Variants in DNAJC7 observed in about 807,000 individuals in gnomAD.
DNAJC7 encodes DnaJ heat shock protein family (Hsp40) member C7.
DNAJC7 carries 18 observed loss-of-function variants against 67.4 expected under a neutral mutation model. The observed-to-expected ratio is 0.27, with a 90% CI of 0.18 to 0.40. The LOEUF (loss-of-function observed/expected upper bound fraction) is 0.40, where lower values mean the gene tolerates loss of function less well. Among genes scored for constraint, DNAJC7 ranks in the 10% least tolerant of loss-of-function variants. DNAJC7 has a pLI of 1.00. For missense variants in DNAJC7, 419 were observed against 613.8 expected (o/e 0.68, Z 3.35); for synonymous variants, 220 against 207.8 (o/e 1.06, Z -0.50).
chr17:41,986,053 A>AAAAAAAAAAAAAAAG (rs2051368082), intron 9 of DNAJC7: 1 of 122,332 alleles, frequency 8.2e-6, no homozygotes, highest in Non-Finnish European at 1.6e-5. Flanking sequence ...TGCTTAAAAA[A>AAAAAAAAAAAAAAAG]AAAAAAAAAA....
At chr17:41,982,467 C>T in intron 10 of DNAJC7, 66 bp from the exon 11 acceptor site, 6 of 1,580,468 alleles carry the variant, frequency 3.8e-6, no homozygotes, top group Non-Finnish European at 5.2e-6. Context: ...CAGGTCTCAG[C>T]CCAGCTGCCT....
At chr17:41,996,997 C>A in intron 3 of DNAJC7, 118 bp downstream of exon 3, 1 of 1,502,516 alleles carries the variant, frequency 6.7e-7, no homozygotes, top group Non-Finnish European at 9.0e-7. Flanking sequence ...TAAAGTCCCC[C>A]ACAACAAAGA....
In DNAJC7 at chr17:41,994,943, A is replaced by T; in HGVS notation, c.407T>A (p.Phe136Tyr). 1 of 1,613,100 alleles carries T rather than the reference A, an allele frequency of 6.2e-7. No individual in the cohort carries two copies. The highest frequency in any genetic ancestry group is 8.5e-7 in the Non-Finnish European group (1 of 1,179,564). ...DHKNAQAQQEFKNANAVMEYE... is the reference protein window; with the variant it reads ...DHKNAQAQQEYKNANAVMEYE... ...TTCCATGACTGCATTAGCATTCTTG[A>T]ACTGCACCGGAAAATCAGACATAGG... The change falls in exon 5 of 14, where the codon TTC becomes TAC. Residue 136 changes from phenylalanine to tyrosine, a missense_variant and splice_region_variant. Transcript: ENST00000457167.
At chr17:42,004,167 C>A (rs1362777554) in intron 1 of DNAJC7, among the ~76,000 whole-genome samples, 1 of 152,000 alleles carries the variant, frequency 6.6e-6, no homozygotes, top group Non-Finnish European at 1.5e-5. Context: ...GTTGGCCAGA[C>A]TGGTCTCAAA....
At chr17:41,989,865 T>C (rs1306556136) in intron 6 of DNAJC7, among the ~76,000 whole-genome samples, 4 of 152,240 alleles carry the variant, frequency 2.6e-5, no homozygotes, top group African/African-American at 9.6e-5. Flanking sequence ...GCCACACCCA[T>C]TGGTTCATCT....
At position 41,976,650 on chromosome 17, in the gene DNAJC7, G is replaced by A. The variant is rs2051088459; in HGVS notation, c.*83C>T. On this transcript the variant is annotated 3_prime_UTR_variant, in exon 14 of 14. Coordinates refer to ENST00000457167, the MANE Select transcript of DNAJC7 (RefSeq NM_003315.4). ...TGCTCTAAGCACACGGAGACGTGATGAAGGGAGGAGGTGAACTGTTTCCAC... is the reference window on the plus strand; with the variant it reads ...TGCTCTAAGCACACGGAGACGTGATAAAGGGAGGAGGTGAACTGTTTCCAC... The A allele has an allele frequency of 1.3e-6, 2 of 1,551,736 alleles. No individual in the cohort carries two copies. The highest frequency in any genetic ancestry group is 1.9e-5 in the Admixed American group (1 of 52,452).
Position 41,988,626 on chromosome 17 carries a change from T to C in DNAJC7, c.918+106A>G, listed in dbSNP as rs189343305. 4.6e-4 allele frequency: 605 copies of C among 1,326,660 alleles called. No individual in the cohort carries two copies. The African/African-American group carries it at 7.0e-3, about 15-fold the overall frequency. The allele number at this position is 1,326,660 out of a possible 1,614,324, so 82.2% of individuals were successfully genotyped here. A position where few individuals can be genotyped will look rare whatever the true frequency, so the allele number is the denominator to read the frequency against. On this transcript the variant is annotated intron_variant, in intron 8 of 13. Coordinates refer to ENST00000457167, the MANE Select transcript of DNAJC7 (RefSeq NM_003315.4). ...CTAACAAACTATTAACCATAACAACTTTCCCTCTTTCATCTTGCTTACCCT... is the reference window on the plus strand; with the variant it reads ...CTAACAAACTATTAACCATAACAACCTTCCCTCTTTCATCTTGCTTACCCT...
At chr17:42,006,690 G>A (rs906423047) in intron 1 of DNAJC7, among the ~76,000 whole-genome samples, 1 of 146,040 alleles carries the variant, frequency 6.8e-6, no homozygotes, top group Non-Finnish European at 1.5e-5. Flanking sequence ...CCAGCTACCC[G>A]GGACGCTGAT....
intron 1 of DNAJC7, 50 bp from the exon 2 acceptor site, chr17:42,000,620 C>T (rs968871427): frequency 2.9e-6 from 4 of 1,400,338 alleles, no homozygotes; most frequent in Admixed American, 1.9e-5. Flanking sequence ...AGGGAATAAC[C>T]TCTGTAATCT....
At chr17:42,007,866 A>T (rs2052010866) in intron 1 of DNAJC7, among the ~76,000 whole-genome samples, 1 of 124,518 alleles carries the variant, frequency 8.0e-6, no homozygotes, top group Admixed American at 8.4e-5. Context: ...TTTTTTTGAG[A>T]CAGAATTTCG....
intron 7 of DNAJC7, 94 bp downstream of exon 7, chr17:41,989,310 A>G (rs1181171877): frequency 6.7e-7 from 1 of 1,491,520 alleles, no homozygotes; most frequent in African/African-American, 1.4e-5. Flanking sequence ...AAAAGCTATC[A>G]CATTCCTTGT....
At chr17:41,994,766 C>T in intron 5 of DNAJC7, 104 bp downstream of exon 5, 1 of 917,064 alleles carries the variant, frequency 1.1e-6, no homozygotes, top group South Asian at 1.6e-5. Flanking sequence ...ATTTACTATT[C>T]TAGAGCTTTT....
intron 9 of DNAJC7, among the ~76,000 whole-genome samples, chr17:41,984,125 G>A (rs1472633331): frequency 6.6e-6 from 1 of 152,122 alleles, no homozygotes; most frequent in African/African-American, 2.4e-5. Flanking sequence ...CAAGTTCAAC[G>A]TGGCAGCTGC....
At chr17:42,016,829 G>T in intron 1 of DNAJC7, 1 of 487,458 alleles carries the variant, frequency 2.1e-6, no homozygotes, top group Non-Finnish European at 2.8e-6. Context: ...ATAACCGGGG[G>T]CAACCAGGTC....
chr17:41,987,058 A>ATTTTCAGATTTC (rs1214785749), intron 9 of DNAJC7, among the ~76,000 whole-genome samples: 3 of 152,180 alleles, frequency 2.0e-5, no homozygotes, highest in Non-Finnish European at 4.4e-5. Flanking sequence ...GAATAATCTG[A>ATTTTCAGATTTC]AATCAGAAGA....
At chr17:41,987,764 T>C in intron 9 of DNAJC7, 55 bp downstream of exon 9, 2 of 1,482,032 alleles carry the variant, frequency 1.3e-6, no homozygotes, top group Non-Finnish European at 1.8e-6. Context: ...CACAAGGCAA[T>C]TCCCCTGAGG....
At chr17:41,985,536 A>G (rs1351771519) in intron 9 of DNAJC7, 2 of 152,208 alleles carry the variant, frequency 1.3e-5, no homozygotes, top group Admixed American at 6.5e-5. Flanking sequence ...TAAACAAACT[A>G]TACTAATTTG....
intron 10 of DNAJC7, among the ~76,000 whole-genome samples, chr17:41,982,976 AAAAG>A (rs1463632482): frequency 1.3e-5 from 2 of 151,824 alleles, no homozygotes; most frequent in East Asian, 3.9e-4. Flanking sequence ...AAAAAAAAGA[AAAAG>A]AAAAAAGAAA....
intron 12 of DNAJC7, among the ~76,000 whole-genome samples, chr17:41,980,457 C>G (rs1555645816): frequency 3.3e-5 from 5 of 152,244 alleles, no homozygotes; most frequent in Non-Finnish European, 1.5e-5. Flanking sequence ...GCAATCTCAG[C>G]TCACTGCAAC....
Sources: gnomAD v4.1 joint callset for allele counts (sites outside exome capture counted in the v4.1 genomes callset) on GRCh38, gnomAD v4.1.1 for gene constraint, MANE v1.5 for transcripts, NCBI Gene and HGNC (gene_info 2026-07-23, HGNC 2026-07-21) for gene names.